TMEM44: variants seen among roughly 807,000 people sequenced by gnomAD.
TMEM44 encodes the protein transmembrane protein 44.
In TMEM44, 43 loss-of-function variants were observed where a neutral mutation model predicts 47.8. The observed-to-expected ratio is 0.90, with a 90% confidence interval of 0.70 to 1.16. The LOEUF (loss-of-function observed/expected upper bound fraction) is 1.16. Ranked by LOEUF, TMEM44 falls within the 50% of genes most tolerant of loss-of-function variation. The pLI, the probability that TMEM44 is intolerant of heterozygous loss-of-function variation, is 0.00. For synonymous variants in TMEM44, 277 were observed against 238.8 expected (o/e 1.16, Z -1.48); for missense variants, 568 against 555.2 (o/e 1.02, Z -0.23).
intron 5 of TMEM44, chr3:194,617,683 C>T (rs906004928): frequency 1.3e-5 from 9 of 703,960 alleles, no homozygotes; most frequent in African/African-American, 3.5e-5. Context: ...CGCCAATGTC[C>T]GCTGGGAGAA....
chr3:194,611,151 T>A lies in TMEM44; in HGVS notation c.913-131A>T. Reference sequence around the variant, plus strand: ...TCTCTCTCTTTTTTAACGGCACGTCTCACTTTCTGCTTCCTATAAGATGTG... The same window carrying A: ...TCTCTCTCTTTTTTAACGGCACGTCACACTTTCTGCTTCCTATAAGATGTG... On this transcript the variant is annotated intron_variant, in intron 7 of 9. Transcript: ENST00000347147. The surrounding 1 kb of genome is among the most constrained non-coding windows in gnomAD (Gnocchi z 4.2). The A allele has an allele frequency of 1.4e-6, 1 of 700,876 alleles. No individual in the cohort carries two copies. The allele number at this position is 700,876 out of a possible 1,614,324, so 43.4% of individuals were successfully genotyped here. A position where few individuals can be genotyped will look rare whatever the true frequency, so the allele number is the denominator to read the frequency against.
intron 1 of TMEM44, among the ~76,000 whole-genome samples, chr3:194,631,332 C>T (rs923623892): frequency 3.3e-5 from 5 of 152,132 alleles, no homozygotes; most frequent in Non-Finnish European, 7.4e-5. Flanking sequence ...AGGGTGGCAG[C>T]GCTGGCTTCA....
Position 194,628,429 on chromosome 3 carries a change from A to G in TMEM44, c.218T>C (p.Leu73Pro), listed in dbSNP as rs1339435531. 2 of 1,613,224 alleles carry G rather than the reference A, an allele frequency of 1.2e-6. No homozygotes were observed. The highest frequency in any genetic ancestry group is 1.7e-6 in the Non-Finnish European group (2 of 1,179,608). The change falls in exon 2 of 10, where the codon CTG becomes CCG. Residue 73 changes from leucine to proline, a missense_variant. Leu to Pro is a moderately conservative substitution (Grantham distance 98). Transcript: ENST00000347147. Reference protein sequence around the residue: ...LCAACCLLTSLCDTVGALLAR... With the variant: ...LCAACCLLTSPCDTVGALLAR... The stretch of plus-strand genomic sequence containing the variant: ...CAGAAGAGCCCCGACGGTGTCACAC[A>G]GACTGGTCAGGAGGCAGCACGCAGC...
At chr3:194,589,421 C>A (rs1712307421) in intron 9 of TMEM44, 1 of 152,254 alleles carries the variant, frequency 6.6e-6, no homozygotes, top group African/African-American at 2.4e-5. Context: ...CTGATTTGCC[C>A]CTGAGCACGG....
At chr3:194,609,401 G>A (rs994544310) in intron 8 of TMEM44, among the ~76,000 whole-genome samples, 14 of 152,196 alleles carry the variant, frequency 9.2e-5, no homozygotes, top group Non-Finnish European at 1.8e-4. Context: ...GGAGCCAGCA[G>A]AGGCCGAGGG....
intron 5 of TMEM44, 115 bp from the exon 6 acceptor site, chr3:194,617,384 G>A: frequency 8.4e-7 from 1 of 1,190,522 alleles, no homozygotes; most frequent in Admixed American, 3.0e-5. Flanking sequence ...AGTCCTCCAG[G>A]GCAATGCTTC....
chr3:194,630,929 C>T (rs143347687), intron 1 of TMEM44, among the ~76,000 whole-genome samples: 104 of 138,044 alleles, frequency 7.5e-4, no homozygotes, highest in South Asian at 1.5e-3. Context: ...AATACGTTGT[C>T]GCACATGCCT....
intron 5 of TMEM44, chr3:194,622,841 G>A (rs1252601857): frequency 2.5e-5 from 4 of 159,114 alleles, no homozygotes; most frequent in Non-Finnish European, 4.0e-5. Flanking sequence ...GAGCCCCCGC[G>A]CCCGGCCTAA....
At chr3:194,607,706 C>T (rs1488070933) in intron 8 of TMEM44, among the ~76,000 whole-genome samples, 1 of 152,126 alleles carries the variant, frequency 6.6e-6, no homozygotes, top group Non-Finnish European at 1.5e-5. Flanking sequence ...GCACTTAGAC[C>T]AGTACTCTGG....
chr3:194,596,194 T>A (rs1337736212), intron 9 of TMEM44, among the ~76,000 whole-genome samples: 3 of 151,904 alleles, frequency 2.0e-5, no homozygotes, highest in African/African-American at 7.3e-5. Flanking sequence ...CAGGGAAGCA[T>A]CGGGCTGGGG....
chr3:194,615,039 C>T (rs1240774615), intron 7 of TMEM44, among the ~76,000 whole-genome samples: 1 of 152,032 alleles, frequency 6.6e-6, no homozygotes, highest in Non-Finnish European at 1.5e-5. Flanking sequence ...GAGTTCGAGA[C>T]CAGCCTGGCC....
At chr3:194,621,540 C>T (rs1716536783) in intron 5 of TMEM44, among the ~76,000 whole-genome samples, 1 of 152,148 alleles carries the variant, frequency 6.6e-6, no homozygotes, top group African/African-American at 2.4e-5. Context: ...CACCACTCTC[C>T]CCTCCATTAA....
intron 5 of TMEM44, among the ~76,000 whole-genome samples, chr3:194,621,780 G>C (rs1330046835): frequency 6.6e-6 from 1 of 151,424 alleles, no homozygotes; most frequent in Non-Finnish European, 1.5e-5. Context: ...GCAGCAGCAC[G>C]ATCTCGGCTC....
rs113704896 is a variant in TMEM44, at chr3:194,605,564, T to G, written c.1018-1119A>C. 7.7e-3 allele frequency among the ~76,000 whole-genome samples: 1,178 copies of G among 152,194 alleles called. 10 individuals are homozygous for G. The highest frequency in any genetic ancestry group is 0.012 in the Non-Finnish European group (842 of 67,978). On this transcript the variant is annotated intron_variant, in intron 8 of 9. Coordinates refer to ENST00000347147, the MANE Select transcript of TMEM44 (RefSeq NM_001011655.3). ...GAGAGAGCTTGTGTAGGGGAGCTCC[T>G]CTTTATAAAACCATCAGATCTCGTG... is the stretch of plus-strand genomic sequence containing the variant.
At chr3:194,617,742 T>C (rs1167682215) in intron 5 of TMEM44, 5 of 703,768 alleles carry the variant, frequency 7.1e-6, no homozygotes, top group East Asian at 5.4e-5. Context: ...CCAGATCTCA[T>C]GTTGAGTCGT....
At chr3:194,612,778 C>A (rs1715460281) in intron 7 of TMEM44, among the ~76,000 whole-genome samples, 2 of 152,128 alleles carry the variant, frequency 1.3e-5, no homozygotes, top group South Asian at 4.2e-4. Flanking sequence ...CATTCTCCTG[C>A]CTCAGCCTCC....
intron 5 of TMEM44, chr3:194,622,547 C>A (rs1314350822): frequency 3.0e-5 from 4 of 131,776 alleles, no homozygotes; most frequent in Admixed American, 1.6e-4. Flanking sequence ...ATAAGACACT[C>A]TTTTTTTTTT....
chr3:194,610,460 C>A (rs1478517574), intron 8 of TMEM44, among the ~76,000 whole-genome samples: 1 of 152,134 alleles, frequency 6.6e-6, no homozygotes, highest in East Asian at 1.9e-4. Context: ...AAGGAAATTT[C>A]CATTTGTAAA....
In TMEM44 at chr3:194,587,790, TG is replaced by T. The variant is rs1200199297; in HGVS notation, c.*738del. On this transcript the variant is annotated 3_prime_UTR_variant, in exon 10 of 10. Coordinates refer to ENST00000347147, the MANE Select transcript of TMEM44 (RefSeq NM_001011655.3). ...TATCAAAATAACTCCCAAATGGGAT[TG>T]CTGTGCTTGAACACCTCCCATCATG... 1.3e-5 allele frequency: 2 copies of T among 152,310 alleles called. No individual in the cohort carries two copies. The highest frequency in any genetic ancestry group is 2.9e-5 in the Non-Finnish European group (2 of 68,092). 9.4% of individuals were successfully genotyped at this position (152,310 alleles called of 1,614,324 possible).
Sources: gnomAD v4.1 joint callset for allele counts (sites outside exome capture counted in the v4.1 genomes callset) on GRCh38, gnomAD v4.1.1 for gene constraint, Gnocchi (gnomAD v3.1) non-coding constraint, MANE v1.5 for transcripts, NCBI Gene and HGNC (gene_info 2026-07-23, HGNC 2026-07-21) for gene names.